The following SCUBE1 variants were observed in gnomAD, a reference collection of about 807,000 sequenced individuals.
The protein encoded by SCUBE1 is signal peptide, CUB and EGF-like domain-containing protein 1.
Under a neutral mutation model 124.4 loss-of-function variants are expected in SCUBE1, and 59 were observed. The observed-to-expected ratio is 0.47, with a 90% CI of 0.38 to 0.59. SCUBE1 has a LOEUF of 0.59. SCUBE1 is among the 20% of genes least tolerant of loss of function. SCUBE1 has a pLI of 0.00. For synonymous variants in SCUBE1, 545 were observed against 550.9 expected, an observed-to-expected ratio of 0.99 and a Z score of 0.15; for missense variants, 1,150 against 1,371.2, an observed-to-expected ratio of 0.84 and a Z score of 2.55.
At chr22:43,242,818 G>A (rs1923059972) in intron 6 of SCUBE1, among the ~76,000 whole-genome samples, 1 of 152,190 alleles carries the variant, frequency 6.6e-6, no homozygotes, top group Admixed American at 6.5e-5. Context: ...AGAGATCATG[G>A]AACAATACAG....
intron 4 of SCUBE1, among the ~76,000 whole-genome samples, chr22:43,280,312 C>T (rs572643400): frequency 7.9e-5 from 12 of 151,962 alleles, no homozygotes; most frequent in South Asian, 2.1e-4. Flanking sequence ...TAACAGGCCT[C>T]GCTGAAGTGT....
intron 7 of SCUBE1, among the ~76,000 whole-genome samples, chr22:43,236,594 C>T (rs974846819): frequency 3.3e-5 from 5 of 152,208 alleles, no homozygotes; most frequent in Non-Finnish European, 5.9e-5. Context: ...ATCTGGCCCG[C>T]CTCCTTTGCG....
chr22:43,229,213 T>C (rs200020142), intron 8 of SCUBE1, 25 bp from the exon 9 acceptor site: 2 of 1,516,434 alleles, frequency 1.3e-6, no homozygotes, highest in Non-Finnish European at 1.8e-6. Context: ...GGAGACAAAG[T>C]TGGGGGAGGA....
intron 4 of SCUBE1, among the ~76,000 whole-genome samples, chr22:43,289,984 T>C (rs1925296053): frequency 6.6e-6 from 1 of 152,198 alleles, no homozygotes; most frequent in African/African-American, 2.4e-5. Context: ...TCCTCCTTGT[T>C]AAGGGTCAGC....
At chr22:43,263,379 G>A (rs1021212789) in intron 4 of SCUBE1, among the ~76,000 whole-genome samples, 3 of 152,218 alleles carry the variant, frequency 2.0e-5, no homozygotes, top group Admixed American at 2.0e-4. Flanking sequence ...TCAAGTGAGA[G>A]GTTGTAGGTC....
At chr22:43,235,103 C>T (rs1417260422) in intron 7 of SCUBE1, among the ~76,000 whole-genome samples, 1 of 152,088 alleles carries the variant, frequency 6.6e-6, no homozygotes, top group Non-Finnish European at 1.5e-5. Context: ...CTGTCTGGTG[C>T]CCCAGGGCCC....
In SCUBE1 at chr22:43,316,080, G is replaced by A. The variant is rs548546463; in HGVS notation, c.349+3857C>T. On this transcript the variant is annotated intron_variant, in intron 3 of 21. Coordinates refer to ENST00000360835, the MANE Select transcript of SCUBE1 (RefSeq NM_173050.5). Reference sequence around the variant, plus strand: ...ACTCCACATCAACACATCTCATCTGGAAGCCAGTGACCAGATGAATGCTGG... The same window carrying A: ...ACTCCACATCAACACATCTCATCTGAAAGCCAGTGACCAGATGAATGCTGG... 2.0e-5 allele frequency among the ~76,000 whole-genome samples: 3 copies of A among 152,272 alleles called. No individual in the cohort carries two copies. In the South Asian group the frequency reaches 6.2e-4, roughly 32 times the overall value.
rs146004009 is a variant in SCUBE1, at chr22:43,281,436, T to C, written c.484+9610A>G. Among the ~76,000 whole-genome samples, 574 of 60,390 alleles carry C rather than the reference T, an allele frequency of 9.5e-3. 14 individuals are homozygous for C. Among genetic ancestry groups the C allele is most frequent in the East Asian group, 0.08 (18 of 226 alleles). The allele number at this position is 60,390 out of a possible 152,430, so 39.6% of individuals were successfully genotyped here. Reference sequence around the variant, plus strand: ...TCAGCCATCCTCCTGTCACCTCCCTTGGCCACCCTCCTGTCATCTCCCTCA... The same window carrying C: ...TCAGCCATCCTCCTGTCACCTCCCTCGGCCACCCTCCTGTCATCTCCCTCA... On this transcript the variant is annotated intron_variant, in intron 4 of 21. Coordinates refer to ENST00000360835, the MANE Select transcript of SCUBE1 (RefSeq NM_173050.5).
chr22:43,315,204 T>C (rs1157159128), intron 3 of SCUBE1, among the ~76,000 whole-genome samples: 2 of 152,074 alleles, frequency 1.3e-5, no homozygotes, highest in Non-Finnish European at 2.9e-5. Flanking sequence ...TTTACATCTG[T>C]ACACAAGCTC....
At chr22:43,244,213 G>A (rs1923116117) in intron 6 of SCUBE1, among the ~76,000 whole-genome samples, 1 of 152,126 alleles carries the variant, frequency 6.6e-6, no homozygotes, top group Non-Finnish European at 1.5e-5. Context: ...GTTCCACAGG[G>A]CACCCCCCTT....
rs74600989 is a variant in SCUBE1 at position 43,291,008 on chromosome 22, G to T, written c.484+38C>A. 4.1e-3 allele frequency: 6,224 copies of T among 1,511,232 alleles called. 89 individuals carry two copies. The African/African-American group carries it at 0.047, about 11-fold the overall frequency. The allele number at this position is 1,511,232 out of a possible 1,614,324, so 93.6% of individuals were successfully genotyped here. A position where few individuals can be genotyped will look rare whatever the true frequency, so the allele number is the denominator to read the frequency against. ...GGGGACTCTGGGGGCTGCCCATCCT[G>T]GGGGGGGACATGCCTGGTCAGCATA... On this transcript the variant is annotated intron_variant, in intron 4 of 21. Coordinates refer to ENST00000360835, the MANE Select transcript of SCUBE1 (RefSeq NM_173050.5).
intron 1 of SCUBE1, 37 bp downstream of exon 1, chr22:43,343,137 C>A: frequency 9.2e-7 from 1 of 1,089,570 alleles, no homozygotes; most frequent in Non-Finnish European, 1.1e-6. Flanking sequence ...CCCGAGCCCC[C>A]CGCGCCCGCC....
At chr22:43,267,157 C>T (rs1924102998) in intron 4 of SCUBE1, among the ~76,000 whole-genome samples, 1 of 152,244 alleles carries the variant, frequency 6.6e-6, no homozygotes, top group South Asian at 2.1e-4. Context: ...TTCCGTCACA[C>T]TCTTTCCTGC....
At chr22:43,214,046 C>CT in intron 16 of SCUBE1, 44 bp downstream of exon 16, 1 of 422,702 alleles carries the variant, frequency 2.4e-6, no homozygotes, top group Non-Finnish European at 4.1e-6. Context: ...GAGGAGCCCC[C>CT]GCCCACCCCC....
intron 3 of SCUBE1, 121 bp from the exon 4 acceptor site, chr22:43,291,301 A>T: frequency 5.6e-6 from 6 of 1,062,976 alleles, no homozygotes; most frequent in South Asian, 1.5e-5. Context: ...GAGGGACTCC[A>T]GAGAGGGCCT....
At chr22:43,319,875 A>C in intron 3 of SCUBE1, 62 bp downstream of exon 3, 1 of 1,589,956 alleles carries the variant, frequency 6.3e-7, no homozygotes, top group Admixed American at 1.7e-5. Flanking sequence ...CCAACTCTGT[A>C]AGCTGGAGCA....
chr22:43,217,294 G>A (rs73163950), intron 15 of SCUBE1, among the ~76,000 whole-genome samples: 13,376 of 150,922 alleles, frequency 0.089, 1,049 homozygotes, highest in East Asian at 0.45. Flanking sequence ...GAGCGTCTCA[G>A]ACTGAACATG....
Position 43,207,629 on chromosome 22 carries a change from G to A in SCUBE1, c.2735-16C>T. On this transcript the variant is annotated splice_polypyrimidine_tract_variant and intron_variant, in intron 20 of 21. Coordinates refer to ENST00000360835, the MANE Select transcript of SCUBE1 (RefSeq NM_173050.5). ...TGGTAGTCCTCTGGGCAGCGGGTCA[G>A]CAGGGGGAGAGGAAGGCGAGGGGCT... 1.2e-6 allele frequency: 2 copies of A among 1,609,700 alleles called. No homozygotes were observed. The highest frequency in any genetic ancestry group is 1.7e-6 in the Non-Finnish European group (2 of 1,176,182).
At position 43,258,073 on chromosome 22, in the gene SCUBE1, A is replaced by G; in HGVS notation, c.727+146T>C. On this transcript the variant is annotated intron_variant, in intron 6 of 21. Transcript: ENST00000360835. The surrounding 1 kb of genome is among the most constrained non-coding windows in gnomAD (Gnocchi z 5.0). ...CCCAGGGGCGCCGGCCATCCCCGCC[A>G]TTGCCATGGGCTTGCCTTTCCTTGT... 1.5e-6 allele frequency: 1 copy of G among 665,612 alleles called. No homozygotes were observed. Among genetic ancestry groups the G allele is most frequent in the Non-Finnish European group, 2.7e-6 (1 of 375,314 alleles). The allele number at this position is 665,612 out of a possible 1,614,324, so 41.2% of individuals were successfully genotyped here.
Sources: gnomAD v4.1 joint callset for allele counts (sites outside exome capture counted in the v4.1 genomes callset) on GRCh38, gnomAD v4.1.1 for gene constraint, Gnocchi (gnomAD v3.1) non-coding constraint, MANE v1.5 for transcripts, NCBI Gene and HGNC (gene_info 2026-07-23, HGNC 2026-07-21) for gene names.